The following LRRC36 variants were observed in gnomAD, a reference collection of about 807,000 sequenced individuals.
LRRC36 encodes the protein leucine rich repeat containing 36, also known as leucine-rich repeat-containing protein 36.
Under a neutral mutation model 81.1 loss-of-function variants are expected in LRRC36, and 62 were observed. The ratio of observed to expected loss-of-function variants is 0.76; its 90% CI spans 0.62 to 0.94. The LOEUF is 0.94. LRRC36 is among the 40% of genes least tolerant of loss of function. The probability of loss-of-function intolerance (pLI) is 0.00; values close to 1 mark genes in which losing one functional copy is unlikely to be tolerated. For synonymous variants in LRRC36, 334 were observed against 348.6 expected (o/e 0.96, Z 0.47); for missense variants, 761 against 881.7 (o/e 0.86, Z 1.73).
intron 2 of LRRC36, among the ~76,000 whole-genome samples, chr16:67,343,729 A>G (rs2038205151): frequency 6.6e-6 from 1 of 152,014 alleles, no homozygotes; most frequent in African/African-American, 2.4e-5. Context: ...GTGTAATCAA[A>G]TAGAACATAT....
chr16:67,337,902 A>G (rs1362793453), intron 1 of LRRC36, among the ~76,000 whole-genome samples: 1 of 151,934 alleles, frequency 6.6e-6, no homozygotes, highest in East Asian at 1.9e-4. Context: ...CCTGCCCAAC[A>G]TGGAGAAACT....
intron 9 of LRRC36, among the ~76,000 whole-genome samples, chr16:67,374,805 C>A (rs1440909759): frequency 6.6e-6 from 1 of 151,906 alleles, no homozygotes; most frequent in Non-Finnish European, 1.5e-5. Context: ...TACTCAAATC[C>A]AAACTGAAAG....
chr16:67,372,923 G>A (rs557301728), intron 9 of LRRC36, among the ~76,000 whole-genome samples: 15 of 152,102 alleles, frequency 9.9e-5, no homozygotes, highest in Non-Finnish European at 1.8e-4. Context: ...AGTCCCCTAT[G>A]CCTATTTTAC....
At chr16:67,362,442 T>C (rs1202060458) in intron 5 of LRRC36, 1 of 233,550 alleles carries the variant, frequency 4.3e-6, no homozygotes, top group African/African-American at 2.3e-5. Context: ...ACTACAAATG[T>C]GAGTCACCGT....
At chr16:67,359,405 T>G (rs763786217) in intron 5 of LRRC36, among the ~76,000 whole-genome samples, 2 of 152,200 alleles carry the variant, frequency 1.3e-5, no homozygotes, top group Non-Finnish European at 2.9e-5. Flanking sequence ...ATGATTCCAT[T>G]TATATAAAAT....
intron 6 of LRRC36, among the ~76,000 whole-genome samples, chr16:67,364,689 A>AT (rs1456285759): frequency 5.3e-5 from 8 of 152,022 alleles, no homozygotes; most frequent in Admixed American, 5.2e-4. Context: ...CACTTCTTAG[A>AT]TAAAAAAGCA....
chr16:67,373,946 G>A (rs903986306), intron 9 of LRRC36, among the ~76,000 whole-genome samples: 1 of 152,132 alleles, frequency 6.6e-6, no homozygotes, highest in Non-Finnish European at 1.5e-5. Flanking sequence ...CTGGGAGGCA[G>A]AGGTTGCAGT....
chr16:67,351,026 G>A (rs2038605973), intron 5 of LRRC36, among the ~76,000 whole-genome samples: 1 of 152,022 alleles, frequency 6.6e-6, no homozygotes, highest in Non-Finnish European at 1.5e-5. Flanking sequence ...CAACAAAAGT[G>A]AAACTCCATC....
intron 1 of LRRC36, among the ~76,000 whole-genome samples, chr16:67,338,748 T>A (rs575920057): frequency 6.6e-6 from 1 of 152,126 alleles, no homozygotes; most frequent in African/African-American, 2.4e-5. Flanking sequence ...TTAAAAATCA[T>A]GTTTGTTAAT....
At chr16:67,382,837 C>T (rs963043347) in intron 13 of LRRC36, among the ~76,000 whole-genome samples, 1 of 152,090 alleles carries the variant, frequency 6.6e-6, no homozygotes, top group African/African-American at 2.4e-5. Flanking sequence ...AAAAAATTAG[C>T]TGGGAGCTTG....
chr16:67,376,859 T>A lies in LRRC36; in HGVS notation c.1793T>A (p.Val598Asp). The A allele has an allele frequency of 6.2e-7, 1 of 1,612,428 alleles. No homozygotes were observed. Among genetic ancestry groups the A allele is most frequent in the South Asian group, 1.1e-5 (1 of 90,986 alleles). Reference protein sequence around the residue: ...ELELKEAAQLVPNDMESLKQK... With the variant: ...ELELKEAAQLDPNDMESLKQK... ...GAACTGAAGGAGGCTGCGCAGCTGG[T>A]CCCTAATGACATGGTATGCCCCTCT... The change falls in exon 11 of 14, where the codon GTC becomes GAC. Residue 598 changes from valine to aspartate, a missense_variant. Val to Asp is a radical substitution (Grantham distance 152). Coordinates refer to ENST00000329956, the MANE Select transcript of LRRC36 (RefSeq NM_018296.6).
In LRRC36 at chr16:67,347,480, G is replaced by T. The variant is rs79636320; in HGVS notation, c.392-15G>T. ...AAAAAAAGAAACATGCTCAGACCAC[G>T]GTTTTTGCCTCCAGATGACCGAACT... On this transcript the variant is annotated splice_polypyrimidine_tract_variant and intron_variant, in intron 3 of 13. Coordinates refer to ENST00000329956, the MANE Select transcript of LRRC36 (RefSeq NM_018296.6). 15 of 1,612,346 alleles carry T rather than the reference G, an allele frequency of 9.3e-6. No individual in the cohort carries two copies. Among genetic ancestry groups the T allele is most frequent in the Non-Finnish European group, 1.2e-5 (14 of 1,178,834 alleles).
intron 1 of LRRC36, among the ~76,000 whole-genome samples, chr16:67,331,437 A>T (rs1025465872): frequency 8.5e-5 from 13 of 152,104 alleles, no homozygotes; most frequent in African/African-American, 3.1e-4. Context: ...AAGTGGAAGG[A>T]TCCTCTGACC....
chr16:67,362,137 CAG>C lies in LRRC36; in HGVS notation c.578-1450_578-1449del, dbSNP rs371042597. On this transcript the variant is annotated intron_variant, in intron 5 of 13. Transcript: ENST00000329956. ...AACAAATCTCACACAAAATAACATA[CAG>C]AGTGTTCTAATACGTTTTGTTTTGT... 1,012 of 440,702 alleles carry C rather than the reference CAG, an allele frequency of 2.3e-3. 8 individuals carry two copies. Among genetic ancestry groups the C allele is most frequent in the African/African-American group, 0.019 (908 of 48,674 alleles). The allele number at this position is 440,702 out of a possible 1,614,324, so 27.3% of individuals were successfully genotyped here. A position where few individuals can be genotyped will look rare whatever the true frequency, so the allele number is the denominator to read the frequency against.
intron 8 of LRRC36, among the ~76,000 whole-genome samples, chr16:67,369,882 A>G (rs2039561678): frequency 1.3e-5 from 2 of 152,176 alleles, no homozygotes; most frequent in African/African-American, 4.8e-5. Context: ...TGGGAGCTAC[A>G]ATTCAAGATG....
At chr16:67,375,893 T>G (rs2039872505) in intron 10 of LRRC36, among the ~76,000 whole-genome samples, 1 of 152,238 alleles carries the variant, frequency 6.6e-6, no homozygotes, top group Non-Finnish European at 1.5e-5. Flanking sequence ...GAAAACAGTT[T>G]TGCAAATGTT....
At chr16:67,335,073 C>T (rs866126438) in intron 1 of LRRC36, among the ~76,000 whole-genome samples, 12 of 152,110 alleles carry the variant, frequency 7.9e-5, no homozygotes, top group Non-Finnish European at 1.3e-4. Flanking sequence ...GTTTCAGGCA[C>T]GCATTGTCAT....
intron 5 of LRRC36, among the ~76,000 whole-genome samples, chr16:67,355,906 A>G (rs534942777): frequency 1.3e-5 from 2 of 152,276 alleles, no homozygotes; most frequent in South Asian, 4.1e-4. Context: ...TGAAAAGAGG[A>G]GCAGCACATT....
At chr16:67,327,101 G>T in intron 1 of LRRC36, 169 bp downstream of exon 1, 1 of 577,546 alleles carries the variant, frequency 1.7e-6, no homozygotes, top group Non-Finnish European at 2.8e-6. Flanking sequence ...TTAGAGGGAG[G>T]TGGAGGTGGA....
Sources: allele counts gnomAD v4.1 joint callset (sites outside exome capture counted in the v4.1 genomes callset), GRCh38; gene constraint gnomAD v4.1.1; transcripts MANE v1.5; gene names NCBI Gene and HGNC (gene_info 2026-07-23, HGNC 2026-07-21).